Variants in HRH1 observed in about 807,000 individuals in gnomAD.
The protein encoded by HRH1 is histamine H1 receptor.
A neutral mutation model predicts 10.3 loss-of-function variants in HRH1; 6 were observed. The observed-to-expected ratio is 0.58, with a 90% CI of 0.32 to 1.15. The LOEUF is 1.15. Among genes scored for constraint, HRH1 ranks in the 50% most tolerant of loss-of-function variants. The probability of loss-of-function intolerance (pLI) is 0.05; values close to 1 mark genes in which losing one functional copy is unlikely to be tolerated. For synonymous variants in HRH1, 242 were observed against 236.7 expected (o/e 1.02, Z -0.21); for missense variants, 514 against 615.3 (o/e 0.84, Z 1.74).
intron 1 of HRH1, among the ~76,000 whole-genome samples, chr3:11,194,419 C>T (rs1463984987): frequency 6.6e-6 from 1 of 152,150 alleles, no homozygotes; most frequent in East Asian, 1.9e-4. Context: ...AGGCTCCCAC[C>T]CCGTCTCAGA....
chr3:11,204,066 C>G (rs12488410), intron 1 of HRH1, among the ~76,000 whole-genome samples: 21,087 of 152,168 alleles, frequency 0.14, 2,627 homozygotes, highest in African/African-American at 0.34. Context: ...CGTCAAACAC[C>G]TACTGTGTGC....
intron 1 of HRH1, among the ~76,000 whole-genome samples, chr3:11,171,142 A>G (rs1937143649): frequency 7.1e-6 from 1 of 141,646 alleles, no homozygotes; most frequent in African/African-American, 2.8e-5. Context: ...TTTTTGAGAC[A>G]GTCTCACTCT....
intron 1 of HRH1, among the ~76,000 whole-genome samples, chr3:11,235,408 A>C (rs2125045903): frequency 6.6e-6 from 1 of 152,112 alleles, no homozygotes; most frequent in Admixed American, 6.5e-5. Context: ...CTGCCTCATT[A>C]CTTCCAGGTG....
At chr3:11,151,187 T>C (rs2125001273), upstream of HRH1, among the ~76,000 whole-genome samples, 1 of 152,296 alleles carries the variant, frequency 6.6e-6, no homozygotes, top group East Asian at 1.9e-4. Context: ...ACCCTGGGAT[T>C]TTTGCTGGAA....
intron 1 of HRH1, among the ~76,000 whole-genome samples, chr3:11,185,884 C>T (rs1937443680): frequency 6.6e-6 from 1 of 152,096 alleles, no homozygotes. Context: ...GCCTGACTTC[C>T]CAGGGCTCCG....
rs770702923 is a variant in HRH1 at position 11,245,914 on chromosome 3, C to G, written c.-35-13089C>G. Among the ~76,000 whole-genome samples, 11 of 152,120 alleles carry G rather than the reference C, an allele frequency of 7.2e-5. No homozygotes were observed. The South Asian group carries it at 8.3e-4, about 11-fold the overall frequency. On this transcript the variant is annotated intron_variant, in intron 1 of 1. Transcript: ENST00000431010. ...AGGTGCACATGCTCTCACACACACACTCTTAGACACTCACACATACACACT... is the reference window on the plus strand; with the variant it reads ...AGGTGCACATGCTCTCACACACACAGTCTTAGACACTCACACATACACACT...
At chr3:11,172,812 C>T (rs970078052) in intron 1 of HRH1, among the ~76,000 whole-genome samples, 2 of 151,818 alleles carry the variant, frequency 1.3e-5, no homozygotes, top group African/African-American at 4.8e-5. Flanking sequence ...CGCCATTCTC[C>T]TGCCTCAGCC....
At chr3:11,237,925 C>T (rs1219544814) in intron 1 of HRH1, among the ~76,000 whole-genome samples, 2 of 152,124 alleles carry the variant, frequency 1.3e-5, no homozygotes, top group Non-Finnish European at 2.9e-5. Flanking sequence ...ATCTGCCCAC[C>T]TCAGCCTCCC....
At chr3:11,176,901 T>G (rs755863337) in intron 1 of HRH1, among the ~76,000 whole-genome samples, 2 of 152,084 alleles carry the variant, frequency 1.3e-5, no homozygotes, top group Non-Finnish European at 2.9e-5. Context: ...GAGACCGGCC[T>G]GGCCAACATG....
chr3:11,239,488 A>G (rs1319061665), intron 1 of HRH1, among the ~76,000 whole-genome samples: 1 of 152,168 alleles, frequency 6.6e-6, no homozygotes, highest in Non-Finnish European at 1.5e-5. Flanking sequence ...TCTTAGTGGT[A>G]CCTCTTGAAA....
intron 1 of HRH1, among the ~76,000 whole-genome samples, chr3:11,207,996 A>G (rs1268202380): frequency 6.6e-6 from 1 of 152,210 alleles, no homozygotes; most frequent in Non-Finnish European, 1.5e-5. Flanking sequence ...GCAAGAGCAG[A>G]CAGTCTTTCC....
intron 1 of HRH1, among the ~76,000 whole-genome samples, chr3:11,199,743 T>C (rs1320399254): frequency 1.3e-5 from 2 of 152,176 alleles, no homozygotes; most frequent in African/African-American, 4.8e-5. Context: ...AAGAGCATGC[T>C]TGGCTGAAGA....
rs1254034741 is a variant in HRH1 at position 11,261,679 on chromosome 3, A to T, written c.*1178A>T. On this transcript the variant is annotated 3_prime_UTR_variant, in exon 2 of 2. Transcript: ENST00000431010. ...TGGAGAAACCTTGTCTCTACTAAAA[A>T]CACAAAAATTATCTGGGCATGGTGG... 6.2e-6 allele frequency: 1 copy of T among 161,256 alleles called. No individual in the cohort carries two copies. Among genetic ancestry groups the T allele is most frequent in the Non-Finnish European group, 1.5e-5 (1 of 68,100 alleles). The allele number at this position is 161,256 out of a possible 1,614,324, so 10.0% of individuals were successfully genotyped here.
intron 1 of HRH1, among the ~76,000 whole-genome samples, chr3:11,214,247 T>TA (rs2125036163): frequency 6.6e-6 from 1 of 152,194 alleles, no homozygotes; most frequent in Admixed American, 6.5e-5. Context: ...AGCAGTGAAA[T>TA]AAAACAAGAA....
chr3:11,218,951 C>T (rs867087806), intron 1 of HRH1, among the ~76,000 whole-genome samples: 6 of 152,070 alleles, frequency 3.9e-5, no homozygotes, highest in Admixed American at 1.3e-4. Context: ...AGTGCCGTGG[C>T]GTGATCTCGG....
intron 1 of HRH1, among the ~76,000 whole-genome samples, chr3:11,237,946 G>C (rs1939232042): frequency 1.3e-5 from 2 of 152,262 alleles, no homozygotes; most frequent in South Asian, 4.1e-4. Context: ...AAAGTGCTGG[G>C]ATTGTAGGCG....
chr3:11,250,622 A>G (rs1220263448), intron 1 of HRH1, among the ~76,000 whole-genome samples: 1 of 152,200 alleles, frequency 6.6e-6, no homozygotes, highest in Non-Finnish European at 1.5e-5. Context: ...AGGAAAGGGT[A>G]GAAGATAGAC....
chr3:11,209,273 G>A (rs74812151), intron 1 of HRH1, among the ~76,000 whole-genome samples: 2,592 of 152,162 alleles, frequency 0.017, 69 homozygotes, highest in African/African-American at 0.055. Context: ...TATATTTTTT[G>A]TAGAGGTAGG....
intron 1 of HRH1, among the ~76,000 whole-genome samples, chr3:11,171,477 G>A (rs111425073): frequency 3.9e-5 from 6 of 152,188 alleles, no homozygotes; most frequent in Non-Finnish European, 5.9e-5. Flanking sequence ...TGCAGTGGCC[G>A]CTGCTGCACC....
Sources: allele counts gnomAD v4.1 joint callset (sites outside exome capture counted in the v4.1 genomes callset), GRCh38; gene constraint gnomAD v4.1.1; transcripts MANE v1.5; gene names NCBI Gene and HGNC (gene_info 2026-07-23, HGNC 2026-07-21).